The following NRXN3 variants were observed in gnomAD, a reference collection of about 807,000 sequenced individuals.
The protein encoded by NRXN3 is neurexin 3, also known as neurexin III.
NRXN3 carries 32 observed loss-of-function variants against 137.6 expected under a neutral mutation model. That is an observed-to-expected ratio of 0.23 (90% CI 0.18 to 0.31). The LOEUF is 0.31. Among genes scored for constraint, NRXN3 ranks in the 10% least tolerant of loss-of-function variants. The pLI is 1.00. For synonymous variants in NRXN3, 798 were observed against 784.5 expected (o/e 1.02, Z -0.29); for missense variants, 1,574 against 2,062.5 (o/e 0.76, Z 4.59).
intron 1 of NRXN3, among the ~76,000 whole-genome samples, chr14:78,231,102 C>G (rs1380006944): frequency 6.6e-6 from 1 of 152,136 alleles, no homozygotes; most frequent in African/African-American, 2.4e-5. Flanking sequence ...TAAGGAAACC[C>G]TGGGGAGCCT....
intron 15 of NRXN3, among the ~76,000 whole-genome samples, chr14:79,365,733 A>T (rs1234842660): frequency 6.9e-6 from 1 of 145,568 alleles, no homozygotes; most frequent in Non-Finnish European, 1.5e-5. Context: ...CTCAAAAAAA[A>T]AAAAAAAAAA....
intron 4 of NRXN3, among the ~76,000 whole-genome samples, chr14:78,448,008 T>C (rs2094460742): frequency 6.6e-6 from 1 of 152,208 alleles, no homozygotes; most frequent in Non-Finnish European, 1.5e-5. Flanking sequence ...TGCCTTTGTG[T>C]GTTCTATTCT....
intron 4 of NRXN3, among the ~76,000 whole-genome samples, chr14:78,321,120 A>G (rs1321030415): frequency 1.3e-5 from 2 of 151,762 alleles, no homozygotes; most frequent in Non-Finnish European, 2.9e-5. Flanking sequence ...ATTTCAAAAA[A>G]AAAAGAAAAA....
At chr14:78,455,099 T>C (rs904764003) in intron 4 of NRXN3, among the ~76,000 whole-genome samples, 3 of 152,206 alleles carry the variant, frequency 2.0e-5, no homozygotes, top group Admixed American at 1.3e-4. Flanking sequence ...TGCCCAGGGC[T>C]GTAGGCCCAT....
intron 8 of NRXN3, among the ~76,000 whole-genome samples, chr14:78,718,148 T>G (rs1443715928): frequency 6.6e-6 from 1 of 152,158 alleles, no homozygotes; most frequent in African/African-American, 2.4e-5. Flanking sequence ...CTCTCTAATT[T>G]TTATTATGTA....
At chr14:78,676,090 C>G (rs2152728340) in intron 6 of NRXN3, among the ~76,000 whole-genome samples, 1 of 152,240 alleles carries the variant, frequency 6.6e-6, no homozygotes, top group East Asian at 1.9e-4. Flanking sequence ...TTTCCCTATT[C>G]TCTTTGATAC....
chr14:78,502,095 A>G (rs2095888790), intron 4 of NRXN3, among the ~76,000 whole-genome samples: 1 of 152,064 alleles, frequency 6.6e-6, no homozygotes, highest in South Asian at 2.1e-4. Flanking sequence ...CTCATGGGAG[A>G]TCACGTGACC....
chr14:78,182,950 T>G (rs2059940295), intron 1 of NRXN3, among the ~76,000 whole-genome samples: 1 of 152,166 alleles, frequency 6.6e-6, no homozygotes, highest in Non-Finnish European at 1.5e-5. Flanking sequence ...CTTCTGTCTG[T>G]GCGATGGCAC....
chr14:78,444,006 A>G (rs1176152537), intron 4 of NRXN3, among the ~76,000 whole-genome samples: 1 of 152,220 alleles, frequency 6.6e-6, no homozygotes, highest in Non-Finnish European at 1.5e-5. Flanking sequence ...ATTGTCCTCT[A>G]GTAATGATGC....
At chr14:79,512,890 A>T (rs945348501) in intron 16 of NRXN3, among the ~76,000 whole-genome samples, 17 of 152,194 alleles carry the variant, frequency 1.1e-4, no homozygotes, top group African/African-American at 4.1e-4. Context: ...TTCCAAAAAG[A>T]GGTGGAGAGA....
chr14:78,353,719 A>T (rs2083882515), intron 4 of NRXN3, among the ~76,000 whole-genome samples: 1 of 152,162 alleles, frequency 6.6e-6, no homozygotes, highest in Admixed American at 6.5e-5. Flanking sequence ...ACTAAGGGAG[A>T]GACAGCAATT....
intron 8 of NRXN3, among the ~76,000 whole-genome samples, chr14:78,789,598 G>A (rs183592150): frequency 6.6e-6 from 1 of 152,094 alleles, no homozygotes; most frequent in Non-Finnish European, 1.5e-5. Flanking sequence ...GTATTAGATT[G>A]GTGCAAAAGT....
intron 19 of NRXN3, among the ~76,000 whole-genome samples, chr14:79,698,775 T>G (rs2098744166): frequency 6.6e-6 from 1 of 152,010 alleles, no homozygotes; most frequent in Non-Finnish European, 1.5e-5. Flanking sequence ...TCCTAGTTAG[T>G]GTTTATAGAA....
chr14:79,034,392 A>C (rs1245705194), intron 15 of NRXN3, among the ~76,000 whole-genome samples: 1 of 150,740 alleles, frequency 6.6e-6, no homozygotes, highest in East Asian at 1.9e-4. Context: ...TTTTTGGAAA[A>C]AAAACATGTT....
intron 15 of NRXN3, among the ~76,000 whole-genome samples, chr14:79,091,126 C>A (rs1388452994): frequency 6.6e-6 from 1 of 151,424 alleles, no homozygotes; most frequent in East Asian, 1.9e-4. Flanking sequence ...TATGCATTCT[C>A]CCTCCTTTAC....
At chr14:78,199,575 C>T (rs1270226462) in intron 1 of NRXN3, among the ~76,000 whole-genome samples, 1 of 152,148 alleles carries the variant, frequency 6.6e-6, no homozygotes, top group African/African-American at 2.4e-5. Context: ...GTCCCAGGGC[C>T]ACACAACTAG....
chr14:79,757,514 T>C (rs927350432), intron 19 of NRXN3, among the ~76,000 whole-genome samples: 4 of 152,348 alleles, frequency 2.6e-5, no homozygotes, highest in Middle Eastern at 3.4e-3. Flanking sequence ...CCTGCAGTTT[T>C]AATTAGCTCT....
At chr14:78,706,460 A>C (rs564317046) in intron 6 of NRXN3, among the ~76,000 whole-genome samples, 4 of 152,314 alleles carry the variant, frequency 2.6e-5, no homozygotes, top group South Asian at 2.1e-4. Context: ...GTAATGTTAA[A>C]GATAAGCCTC....
chr14:78,811,927 T>C (rs2098914896), intron 10 of NRXN3, among the ~76,000 whole-genome samples: 1 of 152,224 alleles, frequency 6.6e-6, no homozygotes, highest in African/African-American at 2.4e-5. Flanking sequence ...TGTCATGATA[T>C]TTAGATCATT....
Sources: allele counts gnomAD v4.1 joint callset (sites outside exome capture counted in the v4.1 genomes callset), GRCh38; gene constraint gnomAD v4.1.1; transcripts MANE v1.5; gene names NCBI Gene and HGNC (gene_info 2026-07-23, HGNC 2026-07-21).